Variants in NHSL1 observed in about 807,000 individuals in gnomAD.
NHSL1 encodes NHS-like protein 1.
A neutral mutation model predicts 95.0 loss-of-function variants in NHSL1; 48 were observed. The observed-to-expected ratio is 0.51, with a 90% confidence interval of 0.40 to 0.64. The LOEUF is 0.64. Among genes scored for constraint, NHSL1 ranks in the 30% least tolerant of loss-of-function variants. NHSL1 has a pLI of 0.00. For synonymous variants in NHSL1, 783 were observed against 833.9 expected (o/e 0.94, Z 1.05); for missense variants, 1,971 against 2,077.7 (o/e 0.95, Z 1.00).
At chr6:138,587,876 A>C (rs1784161680) in intron 1 of NHSL1, among the ~76,000 whole-genome samples, 1 of 152,364 alleles carries the variant, frequency 6.6e-6, no homozygotes, top group Non-Finnish European at 1.5e-5. Context: ...CAGGAAAGTT[A>C]AGCCAAACAC....
Position 138,609,547 on chromosome 6 carries a change from G to A in NHSL1, c.96+82929C>T, listed in dbSNP as rs190580458. On this transcript the variant is annotated intron_variant, in intron 1 of 3. Transcript: ENST00000491526. ...GGGCGGATCACGAGGTCAAGAGCTC[G>A]AGACCATCCTGGCTAACGTGGTGAA... Among the ~76,000 whole-genome samples, 20 of 152,112 alleles carry A rather than the reference G, an allele frequency of 1.3e-4. No individual in the cohort carries two copies. The East Asian group carries it at 3.3e-3, about 25-fold the overall frequency.
chr6:138,640,195 T>C (rs192412933), intron 1 of NHSL1, among the ~76,000 whole-genome samples: 1 of 152,152 alleles, frequency 6.6e-6, no homozygotes, highest in Non-Finnish European at 1.5e-5. Flanking sequence ...GCACCCTCTA[T>C]TATACAGTTA....
In NHSL1 at chr6:138,499,262, T is replaced by G. The variant is rs1419775267; in HGVS notation, c.29A>C (p.Lys10Thr). ...CTTCTTAAAAAGTTTAATTAAAGAC[T>G]TAATCTTTGCATTAATGAAGACCAC... MVVFINAKI[K>T]SLIKLFKKKT... The change falls in exon 1 of 8, where the codon AAG (lysine) becomes ACG (threonine). Residue 10 changes from lysine to threonine, a missense_variant. This residue lies in a region of NHSL1 where 1,602 missense variants were observed against 1,654.5 expected (regional missense o/e 0.97). Transcript: ENST00000343505. 1.3e-6 allele frequency: 2 copies of G among 1,550,514 alleles called. No individual in the cohort carries two copies. The highest frequency in any genetic ancestry group is 2.7e-5 in the African/African-American group (2 of 73,000).
At chr6:138,662,574 CAT>C (rs992343706) in intron 1 of NHSL1, among the ~76,000 whole-genome samples, 2 of 152,138 alleles carry the variant, frequency 1.3e-5, no homozygotes, top group African/African-American at 4.8e-5. Flanking sequence ...AAAGAAGATT[CAT>C]AGTCATTTGA....
At chr6:138,516,827 G>T (rs1433464573) in intron 1 of NHSL1, among the ~76,000 whole-genome samples, 6 of 151,900 alleles carry the variant, frequency 3.9e-5, no homozygotes, top group Non-Finnish European at 8.8e-5. Flanking sequence ...TAGAGACAGG[G>T]TTTCACCATG....
At chr6:138,552,639 C>T (rs1229613899) in intron 1 of NHSL1, among the ~76,000 whole-genome samples, 10 of 152,010 alleles carry the variant, frequency 6.6e-5, no homozygotes. Context: ...TTTGTAAGAA[C>T]CTTTAGGTCC....
In NHSL1 at chr6:138,424,754, G is replaced by T; in HGVS notation, c.4148C>A (p.Pro1383His). 2 of 1,551,390 alleles carry T rather than the reference G, an allele frequency of 1.3e-6. No homozygotes were observed. Among genetic ancestry groups the T allele is most frequent in the Non-Finnish European group, 1.7e-6 (2 of 1,146,830 alleles). Reference protein sequence around the residue: ...SDDDHSRNHSPSPPVTPTGAA... With the variant: ...SDDDHSRNHSHSPPVTPTGAA... Reference sequence around the variant, plus strand: ...GCCGGTGGGTGTCACGGGCGGGGAGGGAGAATGGTTTCGGGAGTGGTCATC... The same window carrying T: ...GCCGGTGGGTGTCACGGGCGGGGAGTGAGAATGGTTTCGGGAGTGGTCATC... Residue 1383 changes from proline (P) to histidine (H), a missense_variant, in exon 8 of 8, where the codon CCC becomes CAC. Physicochemically the swap from Pro to His is moderately conservative, Grantham distance 77. Transcript: ENST00000343505. This position sits in a 1 kb window ranked among gnomAD's most constrained non-coding sequence, Gnocchi z 5.9.
At chr6:138,609,083 A>T (rs189692367) in intron 1 of NHSL1, among the ~76,000 whole-genome samples, 1 of 152,332 alleles carries the variant, frequency 6.6e-6, no homozygotes, top group African/African-American at 2.4e-5. Flanking sequence ...CACGATCCCC[A>T]AAGATTAAGA....
At position 138,430,523 on chromosome 6, in the gene NHSL1, G is replaced by A. The variant is rs185256945; in HGVS notation, c.3822C>T (p.Ser1274=). Residue 1274 remains serine (S), a synonymous_variant, in exon 6 of 8, where the codon AGC becomes AGT. Transcript: ENST00000343505. The surrounding 1 kb of genome is among the most constrained non-coding windows in gnomAD (Gnocchi z 4.7). ...CCATGGGGACATTGGCTTCCACTCT[G>A]CTGGGAGACATGGATCCTGCAGCTC... is the stretch of plus-strand genomic sequence containing the variant. The part of the protein sequence containing the change: ...EGGAAGSMSP[S]RVEANVPMVQ... 41 of 1,551,472 alleles carry A rather than the reference G, an allele frequency of 2.6e-5. No homozygotes were observed. In the African/African-American group the frequency reaches 4.8e-4, roughly 18 times the overall value.
intron 5 of NHSL1, among the ~76,000 whole-genome samples, chr6:138,441,211 G>T (rs531234051): frequency 6.6e-6 from 1 of 152,292 alleles, no homozygotes; most frequent in South Asian, 2.1e-4. Context: ...CAACCAAGCG[G>T]GCTGGCACTG....
At chr6:138,598,502 C>A (rs1411946559) in intron 1 of NHSL1, among the ~76,000 whole-genome samples, 3 of 151,534 alleles carry the variant, frequency 2.0e-5, no homozygotes, top group African/African-American at 7.3e-5. Context: ...ACACCTGTAG[C>A]CCCAGCTACT....
At chr6:138,550,606 A>G (rs1339661977), upstream of NHSL1, among the ~76,000 whole-genome samples, 2 of 152,254 alleles carry the variant, frequency 1.3e-5, no homozygotes, top group African/African-American at 4.8e-5. Flanking sequence ...AGGGAGTGGT[A>G]TCCACACATG....
At chr6:138,571,978 G>A in exon 1 of NHSL1, 4 of 1,353,478 alleles carry the variant, frequency 3.0e-6, no homozygotes, top group Middle Eastern at 2.2e-4. Flanking sequence ...TTTTTGCGTT[G>A]GCCCAGGTCC....
chr6:138,665,021 T>C (rs1284614180), intron 1 of NHSL1, among the ~76,000 whole-genome samples: 1 of 152,246 alleles, frequency 6.6e-6, no homozygotes, highest in African/African-American at 2.4e-5. Flanking sequence ...CTGGGCGCTA[T>C]AGCCTAGCAA....
At chr6:138,582,412 C>A (rs1011780131) in intron 1 of NHSL1, among the ~76,000 whole-genome samples, 2 of 150,744 alleles carry the variant, frequency 1.3e-5, no homozygotes, top group Admixed American at 6.6e-5. Flanking sequence ...AGAGATGGGA[C>A]CAAAAAAACT....
intron 1 of NHSL1, among the ~76,000 whole-genome samples, chr6:138,613,923 C>T (rs1211813158): frequency 6.6e-6 from 1 of 152,146 alleles, no homozygotes; most frequent in African/African-American, 2.4e-5. Context: ...AACCTTCTTC[C>T]TGCAAGGTTC....
At chr6:138,541,063 T>C (rs993692909) in intron 1 of NHSL1, among the ~76,000 whole-genome samples, 5 of 152,208 alleles carry the variant, frequency 3.3e-5, no homozygotes, top group African/African-American at 1.2e-4. Flanking sequence ...GTATGCATCC[T>C]GTCCATATTA....
chr6:138,502,687 C>A (rs888492369), upstream of NHSL1, among the ~76,000 whole-genome samples: 2 of 152,072 alleles, frequency 1.3e-5, no homozygotes, highest in African/African-American at 4.8e-5. Context: ...GAAAAGCAGT[C>A]CCCCTCTGGA....
rs182482246 is a variant in NHSL1, at chr6:138,582,140, G to A, written c.97-85769C>T. Among the ~76,000 whole-genome samples the A allele has an allele frequency of 3.1e-3, 468 of 151,806 alleles. 5 individuals are homozygous for A. Among genetic ancestry groups the A allele is most frequent in the African/African-American group, 0.011 (447 of 41,452 alleles). ...TGGAACTCCTGACCTCAAGTGATTC[G>A]CCCGCCTCAGCCTCCCAAAGTGCTG... is the stretch of plus-strand genomic sequence containing the variant. On this transcript the variant is annotated intron_variant, in intron 1 of 3. Transcript: ENST00000491526.
Sources: gnomAD v4.1 joint callset for allele counts (sites outside exome capture counted in the v4.1 genomes callset) on GRCh38, gnomAD v4.1.1 for gene constraint, gnomAD v4.1.1 regional missense constraint, Gnocchi (gnomAD v3.1) non-coding constraint, MANE v1.5 for transcripts, NCBI Gene and HGNC (gene_info 2026-07-23, HGNC 2026-07-21) for gene names.